Variants in ZBTB40 observed in about 807,000 individuals in gnomAD.
ZBTB40 encodes the protein zinc finger and BTB domain-containing protein 40.
A neutral mutation model predicts 117.5 loss-of-function variants in ZBTB40; 60 were observed. The ratio of observed to expected loss-of-function variants is 0.51; its 90% CI spans 0.41 to 0.63. The LOEUF is 0.63. ZBTB40 is among the 30% of genes least tolerant of loss of function. The pLI is 0.00. For synonymous variants in ZBTB40, 525 were observed against 577.1 expected (o/e 0.91, Z 1.29); for missense variants, 1,287 against 1,498.5 (o/e 0.86, Z 2.33).
In ZBTB40 at chr1:22,511,914, C is replaced by G; in HGVS notation, c.2241C>G (p.Phe747Leu). The change falls in exon 11 of 18, where the codon TTC (phenylalanine) becomes TTG (leucine). Residue 747 changes from phenylalanine to leucine, a missense_variant. Coordinates refer to ENST00000375647, the MANE Select transcript of ZBTB40 (RefSeq NM_014870.4). ...AGGCCTGCGACAAAAGCTTCCATTT[C>G]TACTGCCGCCTAAAGGTGCACATGA... ...ICKACDKSFH[F>L]YCRLKVHMKR... 1.2e-6 allele frequency: 2 copies of G among 1,614,212 alleles called. No homozygotes were observed. The highest frequency in any genetic ancestry group is 8.5e-7 in the Non-Finnish European group (1 of 1,180,028).
chr1:22,500,647 C>T (rs1638904687), intron 3 of ZBTB40, among the ~76,000 whole-genome samples: 1 of 152,158 alleles, frequency 6.6e-6, no homozygotes, highest in Non-Finnish European at 1.5e-5. Flanking sequence ...CCAAGTGCCA[C>T]CGAAAGGTCA....
At chr1:22,469,193 G>A (rs1641339271) in intron 1 of ZBTB40, among the ~76,000 whole-genome samples, 1 of 152,178 alleles carries the variant, frequency 6.6e-6, no homozygotes, top group Non-Finnish European at 1.5e-5. Context: ...TTTGTTGATG[G>A]TGTTTTGTTT....
At chr1:22,493,929 A>G (rs2124435124) in intron 3 of ZBTB40, among the ~76,000 whole-genome samples, 1 of 151,012 alleles carries the variant, frequency 6.6e-6, no homozygotes, top group South Asian at 2.1e-4. Flanking sequence ...CACCTCTACT[A>G]TTTACTAGCA....
chr1:22,510,075 C>T (rs1639189599), intron 9 of ZBTB40, among the ~76,000 whole-genome samples: 1 of 152,230 alleles, frequency 6.6e-6, no homozygotes, highest in Admixed American at 6.5e-5. Flanking sequence ...TAAGCCTTCA[C>T]ACAATGTGGC....
intron 1 of ZBTB40, among the ~76,000 whole-genome samples, chr1:22,431,069 TTTG>T (rs1281948094): frequency 2.6e-5 from 4 of 151,780 alleles, no homozygotes; most frequent in Non-Finnish European, 5.9e-5. Context: ...TATCCTTGCT[TTTG>T]TTCTCTCTTC....
intron 8 of ZBTB40, 97 bp downstream of exon 8, chr1:22,508,828 A>G (rs1557515402): frequency 3.9e-6 from 5 of 1,291,354 alleles, no homozygotes; most frequent in Non-Finnish European, 4.3e-6. Context: ...GTAGTCACCT[A>G]CATCCCTACT....
chr1:22,487,740 G>T (rs1638510588), intron 1 of ZBTB40, among the ~76,000 whole-genome samples: 1 of 151,926 alleles, frequency 6.6e-6, no homozygotes, highest in African/African-American at 2.4e-5. Flanking sequence ...TTACTTAGGT[G>T]GTATATTTAA....
chr1:22,449,331 C>T (rs767822585), upstream of ZBTB40, among the ~76,000 whole-genome samples: 13 of 152,152 alleles, frequency 8.5e-5, no homozygotes, highest in Non-Finnish European at 1.6e-4. Flanking sequence ...TTCTGGTGAT[C>T]GGGAAGCACA....
At chr1:22,478,819 A>G (rs1569812808) in intron 1 of ZBTB40, among the ~76,000 whole-genome samples, 1 of 152,230 alleles carries the variant, frequency 6.6e-6, no homozygotes, top group East Asian at 1.9e-4. Flanking sequence ...ATACATTACA[A>G]TAATCTTAAG....
intron 3 of ZBTB40, 55 bp from the exon 4 acceptor site, chr1:22,501,437 G>C: frequency 6.2e-7 from 1 of 1,600,410 alleles, no homozygotes; most frequent in Non-Finnish European, 8.6e-7. Context: ...AATGCAAGGA[G>C]CGGATGGTTC....
intron 3 of ZBTB40, among the ~76,000 whole-genome samples, chr1:22,492,372 C>A (rs879502714): frequency 5.9e-5 from 9 of 152,196 alleles, no homozygotes; most frequent in Non-Finnish European, 1.3e-4. Flanking sequence ...AGACGCATTT[C>A]CACCTGTGTG....
At chr1:22,488,381 G>A (rs370931022) in intron 1 of ZBTB40, among the ~76,000 whole-genome samples, 1 of 152,170 alleles carries the variant, frequency 6.6e-6, no homozygotes, top group African/African-American at 2.4e-5. Context: ...ACGAAGGAGC[G>A]GGATGTTCTG....
At chr1:22,467,940 T>G (rs148477915) in intron 1 of ZBTB40, among the ~76,000 whole-genome samples, 11 of 151,762 alleles carry the variant, frequency 7.2e-5, no homozygotes, top group Admixed American at 4.6e-4. Context: ...AATCAAAAAA[T>G]TAGTCAGGTG....
chr1:22,512,020 A>G lies in ZBTB40; in HGVS notation c.2347A>G (p.Lys783Glu), dbSNP rs1355752401. The G allele has an allele frequency of 6.2e-7, 1 of 1,614,114 alleles. No homozygotes were observed. Among genetic ancestry groups the G allele is most frequent in the Non-Finnish European group, 8.5e-7 (1 of 1,180,052 alleles). ...CAAGGATTCAAAGAAAGAGCTGGAC[A>G]AACATCAGCTGGAGGCCCATGGTGC... ...ETKDSKKELD[K>E]HQLEAHGAGG... Residue 783 changes from lysine (K) to glutamate (E), a missense_variant, in exon 11 of 18, where the codon AAA (lysine) becomes GAA (glutamate). Lys to Glu is a moderately conservative substitution (Grantham distance 56). Around this residue, in one of 2 missense-constraint regions of ZBTB40, gnomAD observed 870 missense variants for 934.4 expected, o/e 0.93. Coordinates refer to ENST00000375647, the MANE Select transcript of ZBTB40 (RefSeq NM_014870.4).
Position 22,508,726 on chromosome 1 carries a change from G to A in ZBTB40, c.1694G>A (p.Arg565Gln), listed in dbSNP as rs779802013. 6.2e-6 allele frequency: 10 copies of A among 1,613,238 alleles called. No individual in the cohort carries two copies. The East Asian group carries it at 8.9e-5, about 14-fold the overall frequency. The change falls in exon 8 of 18, where the codon CGG becomes CAG. Residue 565 changes from arginine to glutamine, a missense_variant. By Grantham distance (43) the Arg-to-Gln change is conservative (BLOSUM62 1). Around this residue, in one of 2 missense-constraint regions of ZBTB40, gnomAD observed 870 missense variants for 934.4 expected, o/e 0.93. Coordinates refer to ENST00000375647, the MANE Select transcript of ZBTB40 (RefSeq NM_014870.4). ...GAGCCTGGTGCCGATGCTTTCTTCC[G>A]GGCAGGTAAGTTACCTGCCCTCTGG... Reference protein sequence around the residue: ...RREPGADAFFRAVTTPEHATL... With the variant: ...RREPGADAFFQAVTTPEHATL...
chr1:22,455,835 C>T (rs370314445), intron 1 of ZBTB40, among the ~76,000 whole-genome samples: 20 of 151,880 alleles, frequency 1.3e-4, no homozygotes, highest in African/African-American at 4.6e-4. Context: ...CTGAGTATAA[C>T]CCAAGTGTGG....
intron 2 of ZBTB40, 70 bp downstream of exon 2, chr1:22,490,715 A>C: frequency 6.4e-7 from 1 of 1,560,938 alleles, no homozygotes; most frequent in Non-Finnish European, 8.7e-7. Context: ...TGTTTGATTA[A>C]TAAATTTATC....
At position 22,441,473 on chromosome 1, in the gene ZBTB40, C is replaced by CTTTTTTT. The variant is rs71020419; in HGVS notation, c.-70+12475_-70+12481dup. The stretch of plus-strand genomic sequence containing the variant: ...TGCTTCAGTCTTTATTATTTGCTTT[C>CTTTTTTT]TTTTTTTTTTTTTTTTTTTTTTGAG... On this transcript the variant is annotated intron_variant, in intron 1 of 8. Coordinates refer to the ZBTB40 transcript ENST00000650433. Among the ~76,000 whole-genome samples the CTTTTTTT allele has an allele frequency of 4.1e-3, 299 of 73,712 alleles. 6 individuals carry two copies. Among genetic ancestry groups the CTTTTTTT allele is most frequent in the Non-Finnish European group, 6.2e-3 (251 of 40,458 alleles). The allele number at this position is 73,712 out of a possible 152,430, so 48.4% of individuals were successfully genotyped here.
At chr1:22,516,693 G>A (rs577837811) in intron 12 of ZBTB40, among the ~76,000 whole-genome samples, 1 of 152,150 alleles carries the variant, frequency 6.6e-6, no homozygotes, top group Non-Finnish European at 1.5e-5. Flanking sequence ...CGGCCCATAA[G>A]GGAGCTTGGA....
Sources: gnomAD v4.1 joint callset for allele counts (sites outside exome capture counted in the v4.1 genomes callset) on GRCh38, gnomAD v4.1.1 for gene constraint, gnomAD v4.1.1 regional missense constraint, MANE v1.5 for transcripts, NCBI Gene and HGNC (gene_info 2026-07-23, HGNC 2026-07-21) for gene names.